The following KCNJ12 variants were observed in gnomAD, a reference collection of about 807,000 sequenced individuals.
The protein encoded by KCNJ12 is potassium inwardly rectifying channel subfamily J member 12.
Under a neutral mutation model 22.3 loss-of-function variants are expected in KCNJ12, and 2 were observed. That is an observed-to-expected ratio of 0.09 (90% confidence interval 0.04 to 0.28). The LOEUF (loss-of-function observed/expected upper bound fraction) is 0.28. KCNJ12 is among the 10% of genes least tolerant of loss of function. The pLI is 1.00. For synonymous variants in KCNJ12, 117 were observed against 261.4 expected (o/e 0.45, Z 5.33); for missense variants, 155 against 633.3 (o/e 0.24, Z 8.11).
At chr17:21,386,855 A>G (rs1025641472) in intron 1 of KCNJ12, among the ~76,000 whole-genome samples, 6 of 152,242 alleles carry the variant, frequency 3.9e-5, no homozygotes, top group Non-Finnish European at 7.3e-5. Flanking sequence ...ACCCTAATAC[A>G]GGATGATCTC....
intron 1 of KCNJ12, among the ~76,000 whole-genome samples, chr17:21,383,598 G>A (rs1265122695): frequency 6.6e-6 from 1 of 152,220 alleles, no homozygotes; most frequent in Non-Finnish European, 1.5e-5. Context: ...GGCAAACTCA[G>A]GGGTCACAGC....
intron 1 of KCNJ12, among the ~76,000 whole-genome samples, chr17:21,400,533 A>G (rs1413556121): frequency 2.0e-5 from 3 of 152,282 alleles, no homozygotes; most frequent in Non-Finnish European, 2.9e-5. Flanking sequence ...CAGAGCCTCA[A>G]ACGGGTTTGG....
rs1904678448 is a variant in KCNJ12 at position 21,376,969 on chromosome 17, C to T, written c.-179+56C>T. On this transcript the variant is annotated intron_variant, in intron 1 of 2. Coordinates refer to ENST00000583088, the MANE Select transcript of KCNJ12 (RefSeq NM_021012.5). The surrounding 1 kb of genome is among the most constrained non-coding windows in gnomAD (Gnocchi z 5.3). ...TCCCGGGCCCGGCCCCAGTTCCCCG[C>T]AGGCCGCGCCTCGCCACTAGCCCGG... is the stretch of plus-strand genomic sequence containing the variant. The T allele has an allele frequency of 6.6e-6, 1 of 152,074 alleles. No individual in the cohort carries two copies. Among genetic ancestry groups the T allele is most frequent in the Non-Finnish European group, 1.5e-5 (1 of 67,972 alleles). 9.4% of individuals were successfully genotyped at this position (152,074 alleles called of 1,614,324 possible). A position where few individuals can be genotyped will look rare whatever the true frequency, so the allele number is the denominator to read the frequency against.
At chr17:21,396,108 G>A (rs1182387426) in intron 1 of KCNJ12, among the ~76,000 whole-genome samples, 2 of 152,190 alleles carry the variant, frequency 1.3e-5, no homozygotes, top group African/African-American at 4.8e-5. Context: ...GCAGGCAGGG[G>A]CCAGGGGTCA....
chr17:21,395,144 C>T (rs1905309697), intron 1 of KCNJ12, among the ~76,000 whole-genome samples: 1 of 151,712 alleles, frequency 6.6e-6, no homozygotes, highest in South Asian at 2.1e-4. Flanking sequence ...AAAAATGAAA[C>T]ATTAGCTGGG....
At chr17:21,398,518 T>C (rs533362715) in intron 1 of KCNJ12, among the ~76,000 whole-genome samples, 3 of 152,330 alleles carry the variant, frequency 2.0e-5, no homozygotes, top group African/African-American at 7.2e-5. Context: ...TTGCTGGGGA[T>C]AACTCTGAGG....
intron 2 of KCNJ12, among the ~76,000 whole-genome samples, chr17:21,412,799 T>A (rs1456030060): frequency 6.6e-6 from 1 of 152,300 alleles, no homozygotes; most frequent in African/African-American, 2.4e-5. Flanking sequence ...TGGGGGCCCA[T>A]GGTGGGGGAC....
intron 1 of KCNJ12, among the ~76,000 whole-genome samples, chr17:21,395,953 GTGGCTCAGGCA>G (rs1444548462): frequency 6.6e-6 from 1 of 152,200 alleles, no homozygotes; most frequent in Non-Finnish European, 1.5e-5. Context: ...GCCCTGCTGT[GTGGCTCAGGCA>G]TGGCCTGCCC....
chr17:21,416,470 C>T lies in KCNJ12; in HGVS notation c.1128C>T (p.Cys376=), dbSNP rs576695446. 100 of 1,614,110 alleles carry T rather than the reference C, an allele frequency of 6.2e-5. No individual in the cohort carries two copies. The South Asian group carries it at 8.1e-4, about 13-fold the overall frequency. ...KFLLPSANSF[C]YENELAFLSR... ...TGCTGCCCAGCGCCAACTCCTTCTG[C>T]TACGAGAACGAGCTGGCCTTCCTGA... The change falls in exon 3 of 3, where the codon TGC becomes TGT. Residue 376 remains cysteine (C), a synonymous_variant. Transcript: ENST00000583088.
chr17:21,407,739 CCATCCATCCATCCATT>C (rs1906050082), intron 1 of KCNJ12, among the ~76,000 whole-genome samples: 3 of 152,092 alleles, frequency 2.0e-5, no homozygotes, highest in South Asian at 2.1e-4. Flanking sequence ...ATCCAACCAT[CCATCCATCCATCCATT>C]CATCCATCCA....
intron 2 of KCNJ12, among the ~76,000 whole-genome samples, chr17:21,414,146 CAG>C (rs1906543203): frequency 1.3e-5 from 2 of 152,418 alleles, no homozygotes; most frequent in South Asian, 4.1e-4. Context: ...TGGGTGGCGA[CAG>C]GGGTGGCAGG....
rs544123642 is a variant in KCNJ12 at position 21,416,485 on chromosome 17, G to A, written c.1143G>A (p.Leu381=). 79 of 1,613,954 alleles carry A rather than the reference G, an allele frequency of 4.9e-5. No individual in the cohort carries two copies. The East Asian group carries it at 1.0e-3, about 21-fold the overall frequency. Residue 381 remains leucine (L), a synonymous_variant, in exon 3 of 3, where the codon CTG becomes CTA. Transcript: ENST00000583088. ...ACTCCTTCTGCTACGAGAACGAGCT[G>A]GCCTTCCTGAGCCGTGACGAGGAGG... The part of the protein sequence containing the change: ...SANSFCYENE[L]AFLSRDEEDE...
chr17:21,413,350 A>G (rs574426654), intron 2 of KCNJ12, among the ~76,000 whole-genome samples: 1 of 114,552 alleles, frequency 8.7e-6, no homozygotes, highest in African/African-American at 2.8e-5. Flanking sequence ...GGCTGTGTGC[A>G]GCGCCTGGTT....
At chr17:21,399,055 C>G (rs1249317969) in intron 1 of KCNJ12, among the ~76,000 whole-genome samples, 4 of 152,206 alleles carry the variant, frequency 2.6e-5, no homozygotes, top group Admixed American at 6.5e-5. Flanking sequence ...TGTGCACCCC[C>G]TCAGCATTGC....
chr17:21,394,260 TTAAC>T (rs1265696838), intron 1 of KCNJ12, among the ~76,000 whole-genome samples: 4 of 152,216 alleles, frequency 2.6e-5, no homozygotes, highest in Non-Finnish European at 5.9e-5. Context: ...TTTTCAATGT[TTAAC>T]TATGTATAGA....
intron 1 of KCNJ12, among the ~76,000 whole-genome samples, chr17:21,384,948 T>G (rs971787249): frequency 3.3e-5 from 5 of 151,972 alleles, no homozygotes; most frequent in African/African-American, 4.8e-5. Flanking sequence ...AATTTTTTTT[T>G]GTATTTTTAG....
At chr17:21,401,842 C>T (rs1337386592) in intron 1 of KCNJ12, among the ~76,000 whole-genome samples, 1 of 152,226 alleles carries the variant, frequency 6.6e-6, no homozygotes, top group African/African-American at 2.4e-5. Context: ...GACCCTTGGC[C>T]TGGTGGACTC....
intron 1 of KCNJ12, among the ~76,000 whole-genome samples, chr17:21,379,696 C>T (rs1481868702): frequency 1.3e-5 from 2 of 151,634 alleles, no homozygotes; most frequent in Admixed American, 6.6e-5. Flanking sequence ...GTGATGGGGA[C>T]ACGGCAGCAG....
rs35879558 is a variant in KCNJ12, at chr17:21,412,643, G to A, written c.-56-2644G>A. On this transcript the variant is annotated intron_variant, in intron 2 of 2. Transcript: ENST00000583088. Reference sequence around the variant, plus strand: ...CACAGCCTCAGGGGTCCCCCCTGCTGCCGGCTCCCTACTTCCAGGCCCAGG... The same window carrying A: ...CACAGCCTCAGGGGTCCCCCCTGCTACCGGCTCCCTACTTCCAGGCCCAGG... Among the ~76,000 whole-genome samples, 29 of 151,614 alleles carry A rather than the reference G, an allele frequency of 1.9e-4. No homozygotes were observed. In the East Asian group the frequency reaches 3.7e-3, roughly 19 times the overall value.
Sources: allele counts gnomAD v4.1 joint callset (sites outside exome capture counted in the v4.1 genomes callset), GRCh38; gene constraint gnomAD v4.1.1; non-coding constraint Gnocchi (gnomAD v3.1); transcripts MANE v1.5; gene names NCBI Gene and HGNC (gene_info 2026-07-23, HGNC 2026-07-21).